CRYBA4: variants seen among roughly 807,000 people sequenced by gnomAD.
CRYBA4 encodes crystallin beta A4.
A neutral mutation model predicts 31.7 loss-of-function variants in CRYBA4; 30 were observed. That is an observed-to-expected ratio of 0.95 (90% confidence interval 0.71 to 1.28). CRYBA4 has a LOEUF of 1.28. CRYBA4 is among the 50% of genes most tolerant of loss of function. The pLI is 0.00. For missense variants in CRYBA4, 225 were observed against 260.7 expected, an observed-to-expected ratio of 0.86 and a Z score of 0.94; for synonymous variants, 102 against 102.3, an observed-to-expected ratio of 1.00 and a Z score of 0.02.
chr22:26,598,676 G>T, the CRYBA4 span, among the ~76,000 whole-genome samples: 4 of 152,110 alleles, frequency 2.6e-5, no homozygotes, highest in African/African-American at 9.7e-5. Flanking sequence ...GAGCCACCAC[G>T]CCCAGCCTGT....
chr22:26,604,332 A>G, the CRYBA4 span, among the ~76,000 whole-genome samples: 1 of 152,240 alleles, frequency 6.6e-6, no homozygotes, highest in African/African-American at 2.4e-5. Context: ...TGTAAAAGGC[A>G]GGTAATATAC....
the CRYBA4 span, among the ~76,000 whole-genome samples, chr22:26,608,930 A>G: frequency 0.023 from 3,442 of 152,264 alleles, 125 homozygotes; most frequent in African/African-American, 0.078. Context: ...AATTAGATGG[A>G]AGATTTTCCT....
chr22:26,615,984 T>G, the CRYBA4 span, among the ~76,000 whole-genome samples: 1 of 144,986 alleles, frequency 6.9e-6, no homozygotes. Context: ...AAAGGGAGAG[T>G]AAATAGAAAG....
At chr22:26,602,702 C>T in the CRYBA4 span, among the ~76,000 whole-genome samples, 3 of 152,286 alleles carry the variant, frequency 2.0e-5, 1 homozygote, top group South Asian at 6.2e-4. Context: ...CAGAACCTTT[C>T]AGAGAAACAC....
intron 5 of CRYBA4, 30 bp downstream of exon 5, chr22:26,628,460 G>A (rs1457351452): frequency 1.9e-6 from 3 of 1,612,350 alleles, no homozygotes; most frequent in Non-Finnish European, 2.5e-6. Context: ...TACCTGGCAG[G>A]GGAGGGGCTA....
intron 3 of CRYBA4, among the ~76,000 whole-genome samples, chr22:26,624,702 AGAC>A: frequency 6.6e-6 from 1 of 152,368 alleles, no homozygotes; most frequent in Admixed American, 6.5e-5. Context: ...GGATAGATTC[AGAC>A]AGTTTATTAC....
chr22:26,615,452 G>A, the CRYBA4 span, among the ~76,000 whole-genome samples: 1 of 152,152 alleles, frequency 6.6e-6, no homozygotes, highest in East Asian at 1.9e-4. Context: ...CTTCAGCTGT[G>A]AAGCGGTATG....
In CRYBA4 at chr22:26,627,359, C is replaced by CCCTCCCTCCCTT. The variant is rs1404229613; in HGVS notation, c.301-928_301-927insCTCCCTCCCTTC. 1.1e-3 allele frequency among the ~76,000 whole-genome samples: 48 copies of CCCTCCCTCCCTT among 41,862 alleles called. 5 individuals carry two copies. Among genetic ancestry groups the CCCTCCCTCCCTT allele is most frequent in the South Asian group, 5.7e-3 (4 of 704 alleles). The allele number at this position is 41,862 out of a possible 152,430, so 27.5% of individuals were successfully genotyped here. A position where few individuals can be genotyped will look rare whatever the true frequency, so the allele number is the denominator to read the frequency against. Reference sequence around the variant, plus strand: ...CCCCTCCCTCCCTCCCTCCCTCCCTCCTTTCTTTCTTTCTTTCTTTCTTTC... The same window carrying CCCTCCCTCCCTT: ...CCCCTCCCTCCCTCCCTCCCTCCCTCCCTCCCTCCCTTCTTTCTTTCTTTCTTTCTTTCTTTC... On this transcript the variant is annotated intron_variant, in intron 4 of 5. Coordinates refer to ENST00000354760, the MANE Select transcript of CRYBA4 (RefSeq NM_001886.3).
At chr22:26,627,488 T>TTTTC (rs201917169) in intron 4 of CRYBA4, among the ~76,000 whole-genome samples, 1,293 of 81,596 alleles carry the variant, frequency 0.016, 42 homozygotes, top group Non-Finnish European at 0.016. Context: ...CTTTCTTTCC[T>TTTTC]TTTCTTTCTT....
chr22:26,622,955 A>G (rs955730338), intron 2 of CRYBA4, among the ~76,000 whole-genome samples: 2 of 152,260 alleles, frequency 1.3e-5, no homozygotes, highest in African/African-American at 4.8e-5. Context: ...GAAGAACCAC[A>G]TAAAAGTCCA....
At chr22:26,619,937 A>T (rs567965241), upstream of CRYBA4, among the ~76,000 whole-genome samples, 1 of 150,882 alleles carries the variant, frequency 6.6e-6, no homozygotes, top group Non-Finnish European at 1.5e-5. Flanking sequence ...TGTATCCTTC[A>T]TTATATCTTT....
chr22:26,620,872 G>T (rs1216182679), upstream of CRYBA4, among the ~76,000 whole-genome samples: 1 of 152,122 alleles, frequency 6.6e-6, no homozygotes. Context: ...CTAAAGTCAT[G>T]CGTTTGATAG....
At chr22:26,622,685 A>G (rs1350772715) in intron 2 of CRYBA4, 50 bp downstream of exon 2, 1 of 1,334,980 alleles carries the variant, frequency 7.5e-7, no homozygotes, top group Non-Finnish European at 1.1e-6. Context: ...GGGAGGGTTC[A>G]GGTCCCCATG....
Position 26,630,352 on chromosome 22 carries a change from C to T in CRYBA4, c.456C>T (p.Ser152=). 1 of 1,614,202 alleles carries T rather than the reference C, an allele frequency of 6.2e-7. No homozygotes were observed. Among genetic ancestry groups the T allele is most frequent in the Non-Finnish European group, 8.5e-7 (1 of 1,180,008 alleles). ...FHVHSGAWVC[S]QFPGYRGFQY... is the part of the protein sequence containing the mutation. ...TTCTCTTTTCCAGCTGGGTTTGCTC[C>T]CAGTTTCCGGGCTACCGAGGATTTC... Residue 152 remains serine, a synonymous_variant, in exon 6 of 6, where the codon TCC becomes TCT. Coordinates refer to ENST00000354760, the MANE Select transcript of CRYBA4 (RefSeq NM_001886.3).
chr22:26,627,041 A>G (rs544405567), intron 4 of CRYBA4, among the ~76,000 whole-genome samples: 113 of 147,246 alleles, frequency 7.7e-4, no homozygotes, highest in African/African-American at 2.6e-3. Flanking sequence ...TTGTTCATTT[A>G]TTCTGCAAAC....
intron 5 of CRYBA4, among the ~76,000 whole-genome samples, chr22:26,628,648 G>T (rs1349643078): frequency 6.6e-6 from 1 of 152,098 alleles, no homozygotes; most frequent in Non-Finnish European, 1.5e-5. Context: ...CCTGTAATTA[G>T]CTTCAAGCAT....
At chr22:26,596,197 G>A in the CRYBA4 span, among the ~76,000 whole-genome samples, 1 of 152,194 alleles carries the variant, frequency 6.6e-6, no homozygotes, top group Admixed American at 6.5e-5. Flanking sequence ...CTGGGTTCAA[G>A]CTATTCTGCT....
chr22:26,609,509 A>G, the CRYBA4 span, among the ~76,000 whole-genome samples: 7 of 151,998 alleles, frequency 4.6e-5, no homozygotes, highest in Admixed American at 1.3e-4. Context: ...GGGATGGTTG[A>G]ATTGATGGAT....
the CRYBA4 span, among the ~76,000 whole-genome samples, chr22:26,605,349 C>T: frequency 6.6e-6 from 1 of 152,162 alleles, no homozygotes; most frequent in Non-Finnish European, 1.5e-5. Flanking sequence ...CACAGTTTTG[C>T]ACTCAGAGCC....
Sources: allele counts gnomAD v4.1 joint callset (sites outside exome capture counted in the v4.1 genomes callset), GRCh38; gene constraint gnomAD v4.1.1; transcripts MANE v1.5; gene names NCBI Gene and HGNC (gene_info 2026-07-23, HGNC 2026-07-21).